Variants in MYH9 observed in about 807,000 individuals in gnomAD.
MYH9 encodes the protein myosin-9.
Under a neutral mutation model 241.9 loss-of-function variants are expected in MYH9, and 29 were observed. The ratio of observed to expected loss-of-function variants is 0.12; its 90% CI spans 0.09 to 0.16. MYH9 has a LOEUF of 0.16. Among genes scored for constraint, MYH9 ranks in the 10% least tolerant of loss-of-function variants. MYH9 has a pLI of 1.00. For missense variants in MYH9, 1,803 were observed against 2,595.5 expected (o/e 0.69, Z 6.63); for synonymous variants, 1,047 against 1,062.6 (o/e 0.99, Z 0.29).
intron 1 of MYH9, among the ~76,000 whole-genome samples, chr22:36,385,160 G>GTT (rs1261355153): frequency 6.2e-5 from 9 of 145,552 alleles, no homozygotes; most frequent in African/African-American, 2.3e-4. Flanking sequence ...CAAGGCACGG[G>GTT]TTTTTTTTTT....
chr22:36,363,092 C>T (rs889319385), intron 1 of MYH9, among the ~76,000 whole-genome samples: 22 of 152,196 alleles, frequency 1.4e-4, no homozygotes, highest in African/African-American at 5.1e-4. Flanking sequence ...TCTCCACAGA[C>T]TGAGAGTCCC....
intron 6 of MYH9, 46 bp downstream of exon 6, chr22:36,322,383 G>C (rs988883906): frequency 3.1e-6 from 5 of 1,595,630 alleles, no homozygotes; most frequent in Non-Finnish European, 4.3e-6. Flanking sequence ...AAAGCTCCGG[G>C]CAAGGCCCTC....
chr22:36,322,180 C>T (rs2017264750), intron 6 of MYH9, among the ~76,000 whole-genome samples: 1 of 152,270 alleles, frequency 6.6e-6, no homozygotes, highest in African/African-American at 2.4e-5. Flanking sequence ...AGGCAGCGCC[C>T]TCACTGGCCT....
At chr22:36,302,159 G>A (rs552065954) in intron 20 of MYH9, 106 of 277,528 alleles carry the variant, frequency 3.8e-4, no homozygotes, top group Middle Eastern at 1.3e-3. Context: ...AGCTGCTGCT[G>A]TTGGTTTAGG....
chr22:36,346,501 G>A (rs889774316), intron 2 of MYH9, among the ~76,000 whole-genome samples: 2 of 152,206 alleles, frequency 1.3e-5, no homozygotes, highest in Non-Finnish European at 2.9e-5. Flanking sequence ...AACAGAATGA[G>A]CCTGCCACCA....
chr22:36,341,881 G>T (rs1055047050), intron 2 of MYH9, among the ~76,000 whole-genome samples: 4 of 152,252 alleles, frequency 2.6e-5, no homozygotes, highest in African/African-American at 9.6e-5. Flanking sequence ...AGATGTCTTT[G>T]TCATCGTGAG....
chr22:36,287,322 G>C (rs1009730510), intron 34 of MYH9, among the ~76,000 whole-genome samples: 2 of 152,168 alleles, frequency 1.3e-5, no homozygotes. Context: ...AAATCAAAGA[G>C]AGTGACTGGC....
rs2016555816 is a variant in MYH9, at chr22:36,285,069, G to A, written c.5483+52C>T. 25 of 1,564,274 alleles carry A rather than the reference G, an allele frequency of 1.6e-5. No homozygotes were observed. The South Asian group carries it at 2.1e-4, about 13-fold the overall frequency. ...CAGATTTGGGCAGGACTGCAGGGGGGCCAGAGTTTTTTCCAGGACAGCTGG... is the reference window on the plus strand; with the variant it reads ...CAGATTTGGGCAGGACTGCAGGGGGACCAGAGTTTTTTCCAGGACAGCTGG... On this transcript the variant is annotated intron_variant, in intron 38 of 40. Coordinates refer to ENST00000216181, the MANE Select transcript of MYH9 (RefSeq NM_002473.6). This position sits in a 1 kb window ranked among gnomAD's most constrained non-coding sequence, Gnocchi z 7.0.
Position 36,292,042 on chromosome 22 carries a change from C to G in MYH9, c.4288G>C (p.Asp1430His), listed in dbSNP as rs1437823700. 6.2e-7 allele frequency: 1 copy of G among 1,614,176 alleles called. No homozygotes were observed. Among genetic ancestry groups the G allele is most frequent in the African/African-American group, 1.3e-5 (1 of 75,064 alleles). The change falls in exon 31 of 41, where the codon GAC becomes CAC. Residue 1430 changes from aspartate (D) to histidine (H), a missense_variant. Asp to His is a moderately conservative substitution (Grantham distance 81). This residue lies in a region of MYH9 where 876 missense variants were observed against 1,077.8 expected (regional missense o/e 0.81). Coordinates refer to ENST00000216181, the MANE Select transcript of MYH9 (RefSeq NM_002473.6). ...QELDDLLVDLDHQRQSACNLE... is the reference protein window; with the variant it reads ...QELDDLLVDLHHQRQSACNLE... ...TTGCACGCGCTCTGGCGCTGGTGGT[C>G]CAGGTCCACCAGCAGGTCGTCCAGC...
At chr22:36,297,419 G>T in intron 24 of MYH9, 1 of 183,616 alleles carries the variant, frequency 5.4e-6, no homozygotes, top group Non-Finnish European at 1.2e-5. Flanking sequence ...TCTATGTCTA[G>T]CTTTATAACT....
rs2017259883 is a variant in MYH9, at chr22:36,321,933, G to A, written c.706-112C>T. The stretch of plus-strand genomic sequence containing the variant: ...ACCTCCGGTGGGCACAGCTTGGAGG[G>A]AGAAAACCCAGAGACGGGACCCATG... On this transcript the variant is annotated intron_variant, in intron 6 of 40. Transcript: ENST00000216181. 4 of 986,760 alleles carry A rather than the reference G, an allele frequency of 4.1e-6. No homozygotes were observed. In the East Asian group the frequency reaches 7.3e-5, roughly 18 times the overall value. 61.1% of individuals were successfully genotyped at this position (986,760 alleles called of 1,614,324 possible).
At chr22:36,322,666 C>A (rs909660824) in intron 5 of MYH9, 145 bp from the exon 6 acceptor site, 1 of 760,984 alleles carries the variant, frequency 1.3e-6, no homozygotes, top group Non-Finnish European at 2.2e-6. Flanking sequence ...CTCCAGTGTG[C>A]GACTCCAACC....
chr22:36,339,000 G>A (rs1392441364), intron 3 of MYH9, among the ~76,000 whole-genome samples: 1 of 152,180 alleles, frequency 6.6e-6, no homozygotes, highest in Non-Finnish European at 1.5e-5. Context: ...AAAAAGGAAA[G>A]CTCTGGTTCT....
chr22:36,322,831 A>AC (rs1690545763), intron 5 of MYH9, among the ~76,000 whole-genome samples: 1 of 152,216 alleles, frequency 6.6e-6, no homozygotes, highest in East Asian at 1.9e-4. Flanking sequence ...TGAAAGCAGC[A>AC]CTTAAACTAG....
chr22:36,283,619 A>T (rs1339222197), intron 40 of MYH9, among the ~76,000 whole-genome samples: 1 of 147,736 alleles, frequency 6.8e-6, no homozygotes, highest in Non-Finnish European at 1.5e-5. Context: ...CTCAAAAAAC[A>T]CAAAATGAGA....
At chr22:36,376,290 G>C (rs925840302) in intron 1 of MYH9, among the ~76,000 whole-genome samples, 1 of 152,028 alleles carries the variant, frequency 6.6e-6, no homozygotes, top group African/African-American at 2.4e-5. Context: ...AATTAATAAC[G>C]AGACTGTGAT....
At chr22:36,307,835 C>A (rs2016996443) in intron 15 of MYH9, among the ~76,000 whole-genome samples, 1 of 151,758 alleles carries the variant, frequency 6.6e-6, no homozygotes, top group Non-Finnish European at 1.5e-5. Flanking sequence ...TTGCAGTGAG[C>A]CGAGATTGCA....
At chr22:36,366,464 C>T (rs1054642697) in intron 1 of MYH9, among the ~76,000 whole-genome samples, 2 of 152,120 alleles carry the variant, frequency 1.3e-5, no homozygotes, top group Admixed American at 6.5e-5. Context: ...ACATTCATCT[C>T]GTGGTGTTTA....
At position 36,309,344 on chromosome 22, in the gene MYH9, T is replaced by C. The variant is rs1392989079; in HGVS notation, c.1781A>G (p.Asp594Gly). ...CTGGTGGAGCAGTGTGGCGATGTTG[T>C]CATTCAGGGGATCCATGTTCTTCAT... ...WLMKNMDPLN[D>G]NIATLLHQSS... is the part of the protein sequence containing the mutation. Residue 594 changes from aspartate (D) to glycine (G), a missense_variant, in exon 15 of 41, where the codon GAC becomes GGC. This residue lies in a region of MYH9 where 163 missense variants were observed against 349.7 expected (regional missense o/e 0.47). Transcript: ENST00000216181. The C allele has an allele frequency of 6.2e-7, 1 of 1,614,166 alleles. No individual in the cohort carries two copies.
Sources: allele counts gnomAD v4.1 joint callset (sites outside exome capture counted in the v4.1 genomes callset), GRCh38; gene constraint gnomAD v4.1.1; regional missense constraint gnomAD v4.1.1; non-coding constraint Gnocchi (gnomAD v3.1); transcripts MANE v1.5; gene names NCBI Gene and HGNC (gene_info 2026-07-23, HGNC 2026-07-21).